CFAP61: variants seen among roughly 807,000 people sequenced by gnomAD.
CFAP61 encodes cilia and flagella associated protein 61, also known as cilia- and flagella-associated protein 61.
CFAP61 carries 107 observed loss-of-function variants against 135.6 expected under a neutral mutation model. The ratio of observed to expected loss-of-function variants is 0.79; its 90% CI spans 0.67 to 0.93. The LOEUF (loss-of-function observed/expected upper bound fraction) is 0.93. CFAP61 is among the 40% of genes least tolerant of loss of function. The pLI is 0.00. For missense variants in CFAP61, 1,507 were observed against 1,556.2 expected, an observed-to-expected ratio of 0.97 and a Z score of 0.53; for synonymous variants, 575 against 578.5, an observed-to-expected ratio of 0.99 and a Z score of 0.09.
intron 1 of CFAP61, 129 bp downstream of exon 1, chr20:20,052,720 G>T (rs1368278260): frequency 1.6e-5 from 25 of 1,606,438 alleles, no homozygotes; most frequent in Non-Finnish European, 2.1e-5. Flanking sequence ...GAGCCGTGGC[G>T]CCCTGCAAGG....
chr20:20,078,121 T>G (rs1382523352), intron 6 of CFAP61, among the ~76,000 whole-genome samples: 2 of 152,268 alleles, frequency 1.3e-5, no homozygotes, highest in Admixed American at 1.3e-4. Flanking sequence ...ACAAAGAGTC[T>G]GTTCTGTCAT....
intron 25 of CFAP61, among the ~76,000 whole-genome samples, chr20:20,299,431 T>C (rs1406653588): frequency 6.6e-6 from 1 of 152,052 alleles, no homozygotes; most frequent in African/African-American, 2.4e-5. Flanking sequence ...CAAGTACTCA[T>C]CCCAGCCCTT....
In CFAP61 at chr20:20,199,934, G is replaced by T. The variant is rs369243987; in HGVS notation, c.1932+32G>T. 24 of 1,610,468 alleles carry T rather than the reference G, an allele frequency of 1.5e-5. No homozygotes were observed. In the South Asian group the frequency reaches 2.0e-4, roughly 13 times the overall value. ...AGCAGGGCGGCAGGCAGGGCGGCGCGGTGCCAGCTCCCGCGGGCCTGGCAG... is the reference window on the plus strand; with the variant it reads ...AGCAGGGCGGCAGGCAGGGCGGCGCTGTGCCAGCTCCCGCGGGCCTGGCAG... On this transcript the variant is annotated intron_variant, in intron 17 of 26. Transcript: ENST00000245957.
At chr20:20,078,151 A>G (rs1419983902) in intron 6 of CFAP61, among the ~76,000 whole-genome samples, 1 of 152,186 alleles carries the variant, frequency 6.6e-6, no homozygotes, top group Admixed American at 6.5e-5. Flanking sequence ...CTCTGTTTTC[A>G]TGTTAATCCT....
intron 9 of CFAP61, among the ~76,000 whole-genome samples, chr20:20,157,625 A>G (rs2053040178): frequency 6.6e-6 from 1 of 152,224 alleles, no homozygotes; most frequent in Non-Finnish European, 1.5e-5. Flanking sequence ...CTGCAAATGA[A>G]TCATAGACTT....
intron 8 of CFAP61, among the ~76,000 whole-genome samples, chr20:20,127,558 C>A (rs914000417): frequency 2.0e-5 from 3 of 151,392 alleles, no homozygotes; most frequent in Non-Finnish European, 4.4e-5. Flanking sequence ...TGGATAGAGT[C>A]CTATGATGTG....
chr20:20,241,013 A>G (rs1349757871), intron 18 of CFAP61, among the ~76,000 whole-genome samples: 1 of 152,200 alleles, frequency 6.6e-6, no homozygotes, highest in Non-Finnish European at 1.5e-5. Context: ...GACTCTGTGG[A>G]TCCGTCCTAT....
At chr20:20,115,074 TG>T (rs1194609970) in intron 8 of CFAP61, among the ~76,000 whole-genome samples, 1 of 152,306 alleles carries the variant, frequency 6.6e-6, no homozygotes, top group Admixed American at 6.5e-5. Flanking sequence ...AATTTAGTCT[TG>T]ATATACAATT....
chr20:20,203,973 T>G (rs1010177248), intron 17 of CFAP61, among the ~76,000 whole-genome samples: 3 of 152,166 alleles, frequency 2.0e-5, no homozygotes, highest in African/African-American at 7.2e-5. Context: ...ACTGCTTCCT[T>G]TCCAGGAATG....
chr20:20,142,993 T>TGG (rs766520247), intron 9 of CFAP61, 45 bp downstream of exon 9: 17 of 1,195,308 alleles, frequency 1.4e-5, no homozygotes. Flanking sequence ...GGGATGGGCC[T>TGG]GGGGGCTACC....
intron 14 of CFAP61, among the ~76,000 whole-genome samples, chr20:20,189,937 C>A (rs112863230): frequency 1.3e-5 from 2 of 152,090 alleles, no homozygotes; most frequent in African/African-American, 4.8e-5. Flanking sequence ...TGGGATTACA[C>A]GTGCCTGCCT....
At chr20:20,104,871 G>A (rs2048265456) in intron 8 of CFAP61, among the ~76,000 whole-genome samples, 1 of 152,132 alleles carries the variant, frequency 6.6e-6, no homozygotes, top group Non-Finnish European at 1.5e-5. Context: ...GCCCATCAGT[G>A]TTTTTGGTTT....
chr20:20,258,717 G>A (rs974399852), intron 20 of CFAP61, among the ~76,000 whole-genome samples: 2 of 152,192 alleles, frequency 1.3e-5, no homozygotes, highest in African/African-American at 4.8e-5. Context: ...GTCAACCCTA[G>A]GAGACAGGAG....
intron 2 of CFAP61, among the ~76,000 whole-genome samples, chr20:20,070,096 A>G (rs2045598676): frequency 6.6e-6 from 1 of 152,202 alleles, no homozygotes; most frequent in African/African-American, 2.4e-5. Context: ...GCCACAAGAC[A>G]GGGTAGCAGT....
Position 20,288,671 on chromosome 20 carries a change from A to C in CFAP61, c.2859A>C (p.Ala953=). Residue 953 remains alanine, a synonymous_variant, in exon 23 of 27, where the codon GCA becomes GCC. Transcript: ENST00000245957. Reference sequence around the variant, plus strand: ...AAACGTTTAAAGCCCTCAATGATGCATGTCTTGTGTATGACAGTCGACTTG... The same window carrying C: ...AAACGTTTAAAGCCCTCAATGATGCCTGTCTTGTGTATGACAGTCGACTTG... The part of the protein sequence containing the change: ...DYETFKALND[A]CLVYDSRLVI... 6.2e-7 allele frequency: 1 copy of C among 1,614,138 alleles called. No homozygotes were observed. Among genetic ancestry groups the C allele is most frequent in the African/African-American group, 1.3e-5 (1 of 75,046 alleles).
chr20:20,063,184 A>T (rs1281055214), intron 2 of CFAP61, among the ~76,000 whole-genome samples: 1 of 152,258 alleles, frequency 6.6e-6, no homozygotes, highest in Non-Finnish European at 1.5e-5. Context: ...CCAAATAAAT[A>T]CAAGTTCTTG....
At chr20:20,114,129 G>A (rs1020614848) in intron 8 of CFAP61, among the ~76,000 whole-genome samples, 4 of 151,970 alleles carry the variant, frequency 2.6e-5, no homozygotes, top group Middle Eastern at 3.4e-3. Flanking sequence ...AATTAGCCAG[G>A]CATGGTGACA....
In CFAP61 at chr20:20,277,344, A is replaced by G; in HGVS notation, c.2682A>G (p.Gly894=). The G allele has an allele frequency of 6.2e-7, 1 of 1,614,174 alleles. No individual in the cohort carries two copies. Reference sequence around the variant, plus strand: ...TGGCGGACGCGCTAGGAGCCGCCGGAGTCACTATGTACCGGGATGCGATCC... The same window carrying G: ...TGGCGGACGCGCTAGGAGCCGCCGGGGTCACTATGTACCGGGATGCGATCC... ...SAVADALGAA[G]VTMYRDAILA... is the part of the protein sequence containing the mutation. The change falls in exon 22 of 27, where the codon GGA becomes GGG. Residue 894 remains glycine (G), a synonymous_variant. Coordinates refer to ENST00000245957, the MANE Select transcript of CFAP61 (RefSeq NM_015585.4).
chr20:20,171,880 C>A, intron 13 of CFAP61: 1 of 651,692 alleles, frequency 1.5e-6, no homozygotes, highest in South Asian at 1.8e-5. Context: ...GACTTTTCTT[C>A]CTTGTGCTCA....
Sources: gnomAD v4.1 joint callset for allele counts (sites outside exome capture counted in the v4.1 genomes callset) on GRCh38, gnomAD v4.1.1 for gene constraint, MANE v1.5 for transcripts, NCBI Gene and HGNC (gene_info 2026-07-23, HGNC 2026-07-21) for gene names.